The following COL24A1 variants were observed in gnomAD, a reference collection of about 807,000 sequenced individuals.
COL24A1 encodes collagen type XXIV alpha 1 chain.
In COL24A1, 224 loss-of-function variants were observed where a neutral mutation model predicts 253.9. The observed-to-expected ratio is 0.88, with a 90% CI of 0.79 to 0.99. The LOEUF is 0.99. Ranked by LOEUF, COL24A1 falls within the 50% of genes least tolerant of loss-of-function variation. The pLI is 0.00. For missense variants in COL24A1, 2,131 were observed against 2,068.5 expected (o/e 1.03, Z -0.59); for synonymous variants, 685 against 673.7 (o/e 1.02, Z -0.26).
At chr1:85,954,922 C>A (rs1323013490) in intron 24 of COL24A1, among the ~76,000 whole-genome samples, 1 of 152,176 alleles carries the variant, frequency 6.6e-6, no homozygotes, top group Non-Finnish European at 1.5e-5. Flanking sequence ...CTGGGTCTTT[C>A]CCTCAAGGAA....
intron 37 of COL24A1, among the ~76,000 whole-genome samples, chr1:85,854,300 T>G (rs1223364931): frequency 6.6e-6 from 1 of 152,206 alleles, no homozygotes; most frequent in Non-Finnish European, 1.5e-5. Context: ...TTCTCGGTTC[T>G]CTAACCTGTT....
intron 19 of COL24A1, among the ~76,000 whole-genome samples, chr1:85,995,892 GGTT>G (rs1158160594): frequency 6.6e-6 from 1 of 152,150 alleles, no homozygotes. Context: ...CTTCTACCAT[GGTT>G]GTTAAGTTTC....
intron 47 of COL24A1, among the ~76,000 whole-genome samples, chr1:85,797,715 T>G (rs886795454): frequency 6.6e-6 from 1 of 151,992 alleles, no homozygotes; most frequent in Non-Finnish European, 1.5e-5. Context: ...TTCATGGAGG[T>G]TTTGTGAGGG....
At chr1:85,994,599 T>C (rs1694598468) in intron 19 of COL24A1, among the ~76,000 whole-genome samples, 1 of 152,100 alleles carries the variant, frequency 6.6e-6, no homozygotes, top group African/African-American at 2.4e-5. Flanking sequence ...ATGTCAGTAA[T>C]ATGATGAGTC....
intron 12 of COL24A1, among the ~76,000 whole-genome samples, chr1:86,039,692 A>T (rs892958529): frequency 6.6e-6 from 1 of 152,226 alleles, no homozygotes; most frequent in Non-Finnish European, 1.5e-5. Context: ...TTGAAAACAC[A>T]GGATCAGACT....
At chr1:85,759,007 T>C (rs1183532684) in intron 55 of COL24A1, among the ~76,000 whole-genome samples, 1 of 151,994 alleles carries the variant, frequency 6.6e-6, no homozygotes, top group African/African-American at 2.4e-5. Context: ...TTTTCTATTC[T>C]ATTTCATTTG....
intron 18 of COL24A1, 93 bp downstream of exon 18, chr1:86,022,147 G>T: frequency 9.2e-7 from 1 of 1,081,656 alleles, no homozygotes; most frequent in Non-Finnish European, 1.4e-6. Flanking sequence ...ATGCTCAGTA[G>T]GCTTATACCC....
chr1:85,863,913 A>G (rs1232457125), intron 37 of COL24A1, among the ~76,000 whole-genome samples: 2 of 151,928 alleles, frequency 1.3e-5, no homozygotes, highest in East Asian at 1.9e-4. Flanking sequence ...TGGGGGAGAG[A>G]AGGATGTAGA....
At chr1:85,874,837 G>A in intron 34 of COL24A1, 135 bp from the exon 35 acceptor site, 1 of 859,484 alleles carries the variant, frequency 1.2e-6, no homozygotes, top group South Asian at 1.8e-5. Flanking sequence ...TTAGGAAATG[G>A]GCTGCAAAAC....
chr1:85,759,403 A>T (rs1302501536), intron 55 of COL24A1, among the ~76,000 whole-genome samples: 1 of 152,190 alleles, frequency 6.6e-6, no homozygotes, highest in Non-Finnish European at 1.5e-5. Context: ...GTGATGAGGG[A>T]ATGGAATTAA....
At position 85,775,726 on chromosome 1, in the gene COL24A1, A is replaced by G; in HGVS notation, c.4339-17T>C. 1.3e-6 allele frequency: 2 copies of G among 1,594,568 alleles called. No individual in the cohort carries two copies. The highest frequency in any genetic ancestry group is 1.7e-6 in the Non-Finnish European group (2 of 1,168,976). On this transcript the variant is annotated splice_polypyrimidine_tract_variant and intron_variant, in intron 52 of 59. Transcript: ENST00000370571. ...TCTGGGTCCCTAAAAGAAAAAAAAA[A>G]GATGTTAGTTCATTGTTATTGATAG...
chr1:85,944,107 A>T (rs1689005749), intron 24 of COL24A1, among the ~76,000 whole-genome samples: 1 of 152,242 alleles, frequency 6.6e-6, no homozygotes, highest in African/African-American at 2.4e-5. Context: ...AAAAGATTAT[A>T]TGGCTATGTG....
At chr1:85,742,067 G>A (rs1053945213) in intron 57 of COL24A1, among the ~76,000 whole-genome samples, 2 of 151,574 alleles carry the variant, frequency 1.3e-5, no homozygotes, top group Non-Finnish European at 2.9e-5. Context: ...TTGCTAGTTC[G>A]CCCTCACCTT....
intron 55 of COL24A1, among the ~76,000 whole-genome samples, chr1:85,757,241 A>G (rs1455481862): frequency 3.9e-5 from 6 of 152,230 alleles, no homozygotes; most frequent in African/African-American, 1.4e-4. Context: ...ATTAAAAATA[A>G]CAAGTAAATA....
chr1:85,810,340 C>G (rs1484600776), intron 47 of COL24A1, among the ~76,000 whole-genome samples: 2 of 152,214 alleles, frequency 1.3e-5, no homozygotes, highest in East Asian at 3.9e-4. Context: ...TGCCCCATCC[C>G]TTTTCTAGAA....
intron 5 of COL24A1, among the ~76,000 whole-genome samples, chr1:86,108,791 G>T (rs537356437): frequency 1.1e-3 from 161 of 145,470 alleles, no homozygotes; most frequent in African/African-American, 3.9e-3. Flanking sequence ...TGGGCAACAG[G>T]AGCAAAATTC....
intron 45 of COL24A1, among the ~76,000 whole-genome samples, chr1:85,821,617 C>T (rs993962153): frequency 1.3e-5 from 2 of 152,174 alleles, no homozygotes; most frequent in African/African-American, 2.4e-5. Context: ...GCAATTAATA[C>T]TATTTTAAAT....
rs1431003019 is a variant in COL24A1, at chr1:85,826,975, G to A, written c.3682-3237C>T. Among the ~76,000 whole-genome samples the A allele has an allele frequency of 4.0e-5, 6 of 151,812 alleles. No individual in the cohort carries two copies. In the East Asian group the frequency reaches 5.8e-4, roughly 15 times the overall value. ...TTCCAACACTATGTTGAATAGGAGTGGTGAGAGAGGGCATCCCTGTCTTGT... is the reference window on the plus strand; with the variant it reads ...TTCCAACACTATGTTGAATAGGAGTAGTGAGAGAGGGCATCCCTGTCTTGT... On this transcript the variant is annotated intron_variant, in intron 43 of 59. Transcript: ENST00000370571.
At chr1:85,878,489 T>C (rs899691618) in intron 32 of COL24A1, among the ~76,000 whole-genome samples, 2 of 152,172 alleles carry the variant, frequency 1.3e-5, no homozygotes, top group Non-Finnish European at 2.9e-5. Flanking sequence ...GACATATTGG[T>C]TCATATTGGT....
Sources: gnomAD v4.1 joint callset for allele counts (sites outside exome capture counted in the v4.1 genomes callset) on GRCh38, gnomAD v4.1.1 for gene constraint, MANE v1.5 for transcripts, NCBI Gene and HGNC (gene_info 2026-07-23, HGNC 2026-07-21) for gene names.